GRM1: variants seen among roughly 807,000 people sequenced by gnomAD.
GRM1 encodes metabotropic glutamate receptor 1.
Under a neutral mutation model 90.9 loss-of-function variants are expected in GRM1, and 33 were observed. That is an observed-to-expected ratio of 0.36 (90% confidence interval 0.28 to 0.49). The LOEUF (loss-of-function observed/expected upper bound fraction) is 0.49, where lower values mean the gene tolerates loss of function less well. Among genes scored for constraint, GRM1 ranks in the 20% least tolerant of loss-of-function variants. The pLI is 0.99. For synonymous variants in GRM1, 700 were observed against 613.2 expected (o/e 1.14, Z -2.09); for missense variants, 1,190 against 1,534.3 (o/e 0.78, Z 3.75).
At chr6:146,175,084 C>A (rs1778290697) in intron 2 of GRM1, among the ~76,000 whole-genome samples, 1 of 152,120 alleles carries the variant, frequency 6.6e-6, no homozygotes, top group South Asian at 2.1e-4. Context: ...ATATTCTATT[C>A]ATTAGAAGTA....
intron 7 of GRM1, among the ~76,000 whole-genome samples, chr6:146,430,740 ACT>A (rs1342691418): frequency 6.6e-6 from 1 of 152,084 alleles, no homozygotes; most frequent in East Asian, 1.9e-4. Flanking sequence ...CAAATAAGAT[ACT>A]CTCTTTTCTC....
intron 3 of GRM1, among the ~76,000 whole-genome samples, chr6:146,329,647 G>T (rs969101178): frequency 6.6e-6 from 1 of 152,052 alleles, no homozygotes; most frequent in African/African-American, 2.4e-5. Flanking sequence ...ACTTATGATG[G>T]TATTACATCC....
intron 2 of GRM1, among the ~76,000 whole-genome samples, chr6:146,184,309 A>G (rs1397699652): frequency 6.6e-6 from 1 of 152,122 alleles, no homozygotes; most frequent in Non-Finnish European, 1.5e-5. Flanking sequence ...TCTCTCTCCA[A>G]CTTCCCAAAC....
rs368297700 is a variant in GRM1 at position 146,106,983 on chromosome 6, G to A, written c.701-52365G>A. Among the ~76,000 whole-genome samples the A allele has an allele frequency of 3.9e-5, 6 of 152,038 alleles. No homozygotes were observed. In the East Asian group the frequency reaches 1.2e-3, roughly 29 times the overall value. The stretch of plus-strand genomic sequence containing the variant: ...TCCAAGAGTAGCGAACTTACTCTTC[G>A]ACCTCTGGGTAGCATTTGACAATAG... On this transcript the variant is annotated intron_variant, in intron 1 of 7. Transcript: ENST00000282753.
chr6:146,134,775 A>C (rs1184320342), intron 1 of GRM1, among the ~76,000 whole-genome samples: 3 of 152,044 alleles, frequency 2.0e-5, no homozygotes, highest in Non-Finnish European at 2.9e-5. Context: ...CTAAAAATAC[A>C]AAAAATGTAG....
intron 2 of GRM1, among the ~76,000 whole-genome samples, chr6:146,163,211 C>T (rs1250452493): frequency 6.6e-6 from 1 of 152,098 alleles, no homozygotes; most frequent in Non-Finnish European, 1.5e-5. Context: ...AATAAATTGG[C>T]ATAGTATTCT....
chr6:146,158,586 A>T (rs2128890650), intron 1 of GRM1, among the ~76,000 whole-genome samples: 1 of 152,300 alleles, frequency 6.6e-6, no homozygotes, highest in African/African-American at 2.4e-5. Context: ...AAATCCTCAA[A>T]CTTCGGGAGA....
chr6:146,058,390 AT>A (rs1457017744), intron 1 of GRM1, among the ~76,000 whole-genome samples: 3 of 152,118 alleles, frequency 2.0e-5, no homozygotes, highest in Admixed American at 6.6e-5. Flanking sequence ...CTATACTATA[AT>A]TTTTTAAGTG....
At chr6:146,411,570 AC>A (rs1372630748) in intron 7 of GRM1, among the ~76,000 whole-genome samples, 1 of 152,094 alleles carries the variant, frequency 6.6e-6, no homozygotes, top group Non-Finnish European at 1.5e-5. Flanking sequence ...CTATCACTGT[AC>A]CCCCAGTATG....
At chr6:146,277,333 C>A (rs1469760143) in intron 2 of GRM1, among the ~76,000 whole-genome samples, 1 of 152,186 alleles carries the variant, frequency 6.6e-6, no homozygotes, top group African/African-American at 2.4e-5. Context: ...ATGAGCTAAA[C>A]CCTTGGAATA....
intron 6 of GRM1, among the ~76,000 whole-genome samples, chr6:146,388,508 G>T (rs1018324771): frequency 6.6e-6 from 1 of 152,046 alleles, no homozygotes; most frequent in Non-Finnish European, 1.5e-5. Flanking sequence ...ACAATACCTT[G>T]TAAAATGTTA....
chr6:146,305,212 T>C (rs965747423), intron 3 of GRM1, among the ~76,000 whole-genome samples: 1 of 152,098 alleles, frequency 6.6e-6, no homozygotes, highest in African/African-American at 2.4e-5. Context: ...CTCTTTTTTC[T>C]TTGTGGCTTG....
chr6:146,434,140 G>T lies in GRM1; in HGVS notation c.2929G>T (p.Val977Leu). Residue 977 changes from valine (V) to leucine (L), a missense_variant, in exon 8 of 8, where the codon GTG (valine) becomes TTG (leucine). Around this residue, in one of 10 missense-constraint regions of GRM1, gnomAD observed 400 missense variants for 360.8 expected, o/e 1.11. Coordinates refer to ENST00000282753, the MANE Select transcript of GRM1 (RefSeq NM_001278064.2). ...TAGCCCGCCTGGTAGCCCTTCCATG[G>T]TGGTGCACAGGCGCGTGCCAAGCGC... Reference protein sequence around the residue: ...RFSPPGSPSMVVHRRVPSAAT... With the variant: ...RFSPPGSPSMLVHRRVPSAAT... 2.5e-6 allele frequency: 4 copies of T among 1,614,162 alleles called. No homozygotes were observed. Among genetic ancestry groups the T allele is most frequent in the Non-Finnish European group, 3.4e-6 (4 of 1,180,020 alleles).
chr6:146,395,392 T>G lies in GRM1; in HGVS notation c.1730-3377T>G, dbSNP rs567523728. ...AGTTTCCTAAAGTTTTTTCTTCATCTTTATTTAGTTTACAACTTTGAATAT... is the reference window on the plus strand; with the variant it reads ...AGTTTCCTAAAGTTTTTTCTTCATCGTTATTTAGTTTACAACTTTGAATAT... On this transcript the variant is annotated intron_variant, in intron 6 of 7. Transcript: ENST00000282753. Among the ~76,000 whole-genome samples, 7 of 152,226 alleles carry G rather than the reference T, an allele frequency of 4.6e-5. No individual in the cohort carries two copies. In the East Asian group the frequency reaches 1.4e-3, roughly 29 times the overall value.
rs362927 is a variant in GRM1 at position 146,395,426 on chromosome 6, A to G, written c.1730-3343A>G. 0.013 allele frequency among the ~76,000 whole-genome samples: 1,957 copies of G among 152,212 alleles called. 77 individuals are homozygous for G. The East Asian group carries it at 0.15, about 12-fold the overall frequency. ...TTTACAACTTTGAATATTTATTGAA[A>G]GAAAAGCTTCTGAAAGTGCTTTATG... is the stretch of plus-strand genomic sequence containing the variant. On this transcript the variant is annotated intron_variant, in intron 6 of 7. Transcript: ENST00000282753.
At chr6:146,028,947 G>A (rs1790601810), upstream of GRM1, among the ~76,000 whole-genome samples, 1 of 152,152 alleles carries the variant, frequency 6.6e-6, no homozygotes, top group Non-Finnish European at 1.5e-5. Context: ...AGGGGACCAG[G>A]AAACGACTTA....
chr6:146,217,993 T>C (rs1189279671), intron 2 of GRM1, among the ~76,000 whole-genome samples: 1 of 152,228 alleles, frequency 6.6e-6, no homozygotes, highest in Non-Finnish European at 1.5e-5. Context: ...ATACATTTTA[T>C]TAATTATCCT....
At chr6:146,065,774 T>C (rs145891695) in intron 1 of GRM1, among the ~76,000 whole-genome samples, 108 of 152,282 alleles carry the variant, frequency 7.1e-4, no homozygotes, top group African/African-American at 2.5e-3. Flanking sequence ...AAGCAACAGA[T>C]GTCCACTCCC....
At position 146,437,469 on chromosome 6, in the gene GRM1, A is replaced by G. The variant is rs988108287; in HGVS notation, c.*2673A>G. On this transcript the variant is annotated 3_prime_UTR_variant, in exon 8 of 8. Transcript: ENST00000282753. ...ACATACCCTATACCAAGAGGGCCGA[A>G]ACTCTTCACCTTGATGTATGTTCTG... 5 of 152,630 alleles carry G rather than the reference A, an allele frequency of 3.3e-5. No homozygotes were observed. Among genetic ancestry groups the G allele is most frequent in the African/African-American group, 1.2e-4 (5 of 41,454 alleles). The allele number at this position is 152,630 out of a possible 1,614,324, so 9.5% of individuals were successfully genotyped here.
Sources: allele counts gnomAD v4.1 joint callset (sites outside exome capture counted in the v4.1 genomes callset), GRCh38; gene constraint gnomAD v4.1.1; regional missense constraint gnomAD v4.1.1; transcripts MANE v1.5; gene names NCBI Gene and HGNC (gene_info 2026-07-23, HGNC 2026-07-21).